Variants in CSMD1 observed in about 807,000 individuals in gnomAD.
CSMD1 encodes the protein CUB and sushi domain-containing protein 1.
CSMD1 carries 213 observed loss-of-function variants against 417.5 expected under a neutral mutation model. The observed-to-expected ratio is 0.51, with a 90% CI of 0.46 to 0.57. The LOEUF (loss-of-function observed/expected upper bound fraction) is 0.57, where lower values mean the gene tolerates loss of function less well. Among genes scored for constraint, CSMD1 ranks in the 20% least tolerant of loss-of-function variants. The probability of loss-of-function intolerance (pLI) is 0.00; values close to 1 mark genes in which losing one functional copy is unlikely to be tolerated. For missense variants in CSMD1, 6,923 were observed against 4,529.7 expected (o/e 1.53, Z -15.17); for synonymous variants, 2,862 against 1,736.8 (o/e 1.65, Z -16.11).
chr8:3,047,141 G>T (rs1017152620), intron 50 of CSMD1, among the ~76,000 whole-genome samples: 5 of 150,108 alleles, frequency 3.3e-5, no homozygotes, highest in African/African-American at 7.4e-5. Context: ...CCAGGAGGGG[G>T]AGGTTGCAGT....
At chr8:4,020,033 A>G (rs1262282955) in intron 4 of CSMD1, among the ~76,000 whole-genome samples, 1 of 152,134 alleles carries the variant, frequency 6.6e-6, no homozygotes, top group African/African-American at 2.4e-5. Context: ...TCTGAAATCT[A>G]AAATCGTGCT....
chr8:4,340,155 T>C (rs1800393762), intron 3 of CSMD1, among the ~76,000 whole-genome samples: 1 of 152,144 alleles, frequency 6.6e-6, no homozygotes, highest in Non-Finnish European at 1.5e-5. Flanking sequence ...TAACATGTTC[T>C]ATTTTCTTGA....
chr8:4,881,517 C>G (rs1298416247), intron 1 of CSMD1, among the ~76,000 whole-genome samples: 2 of 139,236 alleles, frequency 1.4e-5, no homozygotes, highest in African/African-American at 5.5e-5. Context: ...TCTTCCAGGT[C>G]AGAAACTCGA....
intron 2 of CSMD1, among the ~76,000 whole-genome samples, chr8:4,619,034 A>G (rs924374762): frequency 3.3e-5 from 5 of 152,174 alleles, no homozygotes; most frequent in African/African-American, 1.2e-4. Flanking sequence ...TAATTTACCT[A>G]TTTACTTCTC....
intron 23 of CSMD1, among the ~76,000 whole-genome samples, chr8:3,342,425 G>A (rs762355427): frequency 6.6e-6 from 1 of 152,098 alleles, no homozygotes. Flanking sequence ...GTATGATATA[G>A]TTTTTACATT....
chr8:3,814,552 T>C (rs1045289941), intron 5 of CSMD1, among the ~76,000 whole-genome samples: 2 of 152,184 alleles, frequency 1.3e-5, no homozygotes, highest in Non-Finnish European at 2.9e-5. Context: ...GTGGTTGTGA[T>C]ATCAGGGTGG....
intron 3 of CSMD1, among the ~76,000 whole-genome samples, chr8:4,330,208 A>ACACCTGTCAGATCCACCTGTCAGATC (rs1799789204): frequency 6.6e-6 from 1 of 151,238 alleles, no homozygotes; most frequent in Non-Finnish European, 1.5e-5. Context: ...TTTCTCCATA[A>ACACCTGTCAGATCCACCTGTCAGATC]CACCCGTCAG....
At chr8:3,659,605 G>C (rs1372241034) in intron 7 of CSMD1, among the ~76,000 whole-genome samples, 1 of 152,012 alleles carries the variant, frequency 6.6e-6, no homozygotes, top group Non-Finnish European at 1.5e-5. Context: ...GGTCCCTTTG[G>C]GATTTCCCAC....
At chr8:3,545,180 G>C (rs942751579) in intron 10 of CSMD1, among the ~76,000 whole-genome samples, 1 of 152,166 alleles carries the variant, frequency 6.6e-6, no homozygotes, top group Non-Finnish European at 1.5e-5. Flanking sequence ...TCTACACTTA[G>C]CAAAGAGCAG....
chr8:4,256,135 A>G (rs748547336), intron 3 of CSMD1, among the ~76,000 whole-genome samples: 4 of 152,228 alleles, frequency 2.6e-5, no homozygotes, highest in Non-Finnish European at 5.9e-5. Flanking sequence ...TCTGAGCAGT[A>G]CTAATCACTA....
intron 41 of CSMD1, among the ~76,000 whole-genome samples, chr8:3,132,203 C>T (rs984208692): frequency 1.2e-4 from 18 of 152,178 alleles, no homozygotes; most frequent in African/African-American, 4.3e-4. Context: ...CAGAGAGGAT[C>T]ATGTTGGATT....
chr8:3,098,348 A>G (rs552354119), intron 46 of CSMD1, among the ~76,000 whole-genome samples: 71 of 152,228 alleles, frequency 4.7e-4, no homozygotes, highest in African/African-American at 1.6e-3. Context: ...GAAGCTTATG[A>G]TATGTGTTTT....
intron 1 of CSMD1, among the ~76,000 whole-genome samples, chr8:4,770,327 C>T (rs1284843658): frequency 2.7e-5 from 4 of 147,648 alleles, no homozygotes; most frequent in African/African-American, 4.9e-5. Flanking sequence ...TATATATGTA[C>T]ATAGAAATAT....
At chr8:3,570,437 A>T (rs1399434300) in intron 10 of CSMD1, among the ~76,000 whole-genome samples, 1 of 152,020 alleles carries the variant, frequency 6.6e-6, no homozygotes, top group Non-Finnish European at 1.5e-5. Flanking sequence ...AATTCTAGGA[A>T]ATATGTCTTC....
chr8:3,765,953 C>A (rs994069805), intron 5 of CSMD1, among the ~76,000 whole-genome samples: 1 of 152,152 alleles, frequency 6.6e-6, no homozygotes, highest in Non-Finnish European at 1.5e-5. Context: ...TGGATGCCAG[C>A]AAATCAGGCA....
intron 26 of CSMD1, among the ~76,000 whole-genome samples, chr8:3,241,073 A>G (rs1303439576): frequency 2.7e-5 from 4 of 149,542 alleles, no homozygotes; most frequent in African/African-American, 9.8e-5. Flanking sequence ...AGGTGAGGGG[A>G]TACAAGAGGA....
chr8:3,920,922 C>G (rs1215000505), intron 5 of CSMD1, among the ~76,000 whole-genome samples: 3 of 152,034 alleles, frequency 2.0e-5, no homozygotes, highest in Non-Finnish European at 2.9e-5. Flanking sequence ...CAGACATTGG[C>G]CTGTACATTT....
chr8:4,437,069 G>A (rs1321047407), intron 2 of CSMD1, among the ~76,000 whole-genome samples: 1 of 152,122 alleles, frequency 6.6e-6, no homozygotes, highest in African/African-American at 2.4e-5. Flanking sequence ...TAATGGGACA[G>A]GCTATGGAAG....
At chr8:3,975,415 G>A (rs1254537859) in intron 5 of CSMD1, among the ~76,000 whole-genome samples, 2 of 152,016 alleles carry the variant, frequency 1.3e-5, no homozygotes, top group Admixed American at 6.6e-5. Flanking sequence ...AATACTAGAT[G>A]ATAACCATTT....
Sources: gnomAD v4.1 joint callset for allele counts (sites outside exome capture counted in the v4.1 genomes callset) on GRCh38, gnomAD v4.1.1 for gene constraint, MANE v1.5 for transcripts, NCBI Gene and HGNC (gene_info 2026-07-23, HGNC 2026-07-21) for gene names.